AKIP1: variants seen among roughly 807,000 people sequenced by gnomAD.
AKIP1 encodes A-kinase-interacting protein 1.
In AKIP1, 18 loss-of-function variants were observed where a neutral mutation model predicts 22.3. That is an observed-to-expected ratio of 0.81 (90% CI 0.56 to 1.19). The LOEUF is 1.19. Ranked by LOEUF, AKIP1 falls within the 50% of genes most tolerant of loss-of-function variation. The pLI is 0.00. For synonymous variants in AKIP1, 120 were observed against 102.7 expected (o/e 1.17, Z -1.02); for missense variants, 287 against 264.6 (o/e 1.08, Z -0.59).
intron 5 of AKIP1, among the ~76,000 whole-genome samples, chr11:8,918,700 G>T (rs1439791885): frequency 6.6e-6 from 1 of 152,226 alleles, no homozygotes; most frequent in Non-Finnish European, 1.5e-5. Flanking sequence ...ACCCTTGGAA[G>T]ACTGATTGTG....
chr11:8,919,485 GACCATCACTGCCATC>G lies in AKIP1; in HGVS notation c.*8_*22del. On this transcript the variant is annotated 3_prime_UTR_variant, in exon 6 of 6. Transcript: ENST00000309377. ...GACCTGGTCTTCCCTGTGTGATGTTGACCATCACTGCCATCACATCACCTTTTTTTAAGTAGTAAG... is the reference window on the plus strand; with the variant it reads ...GACCTGGTCTTCCCTGTGTGATGTTGACATCACCTTTTTTTAAGTAGTAAG... 2 of 1,612,158 alleles carry G rather than the reference GACCATCACTGCCATC, an allele frequency of 1.2e-6. No individual in the cohort carries two copies. The highest frequency in any genetic ancestry group is 1.7e-6 in the Non-Finnish European group (2 of 1,179,464).
chr11:8,911,562 A>G lies in AKIP1; in HGVS notation c.113A>G (p.Asp38Gly). 3 of 1,611,458 alleles carry G rather than the reference A, an allele frequency of 1.9e-6. No homozygotes were observed. Among genetic ancestry groups the G allele is most frequent in the Non-Finnish European group, 2.5e-6 (3 of 1,179,160 alleles). ...GAGAGGGCCAAGAGGAGGGCGGTGGACTGGCATGCCCTGGAGCGTCCCAAA... is the reference window on the plus strand; with the variant it reads ...GAGAGGGCCAAGAGGAGGGCGGTGGGCTGGCATGCCCTGGAGCGTCCCAAA... Reference protein sequence around the residue: ...VLERAKRRAVDWHALERPKGC... With the variant: ...VLERAKRRAVGWHALERPKGC... Residue 38 changes from aspartate (D) to glycine (G), a missense_variant, in exon 2 of 6, where the codon GAC becomes GGC. By Grantham distance (94) the Asp-to-Gly change is moderately conservative (BLOSUM62 -1). Coordinates refer to ENST00000309377, the MANE Select transcript of AKIP1 (RefSeq NM_020642.4).
At chr11:8,915,334 A>G (rs1025424378) in intron 4 of AKIP1, among the ~76,000 whole-genome samples, 7 of 146,116 alleles carry the variant, frequency 4.8e-5, no homozygotes, top group African/African-American at 1.8e-4. Context: ...CCTCTTCTAC[A>G]TCTAGGGATA....
rs1566106846 is a variant in AKIP1 at position 8,917,325 on chromosome 11, C to T, written c.447C>T (p.Gly149=). The part of the protein sequence containing the change: ...DRKKTSLGPG[G]SYQISEHAPE... ...AAAAGACATCCCTTGGTCCTGGAGG[C>T]AGCTATCAAATATCAGAGCATGCTC... The change falls in exon 5 of 6, where the codon GGC becomes GGT. Residue 149 remains glycine, a synonymous_variant. Coordinates refer to ENST00000309377, the MANE Select transcript of AKIP1 (RefSeq NM_020642.4). 5 of 1,613,272 alleles carry T rather than the reference C, an allele frequency of 3.1e-6. No individual in the cohort carries two copies. The highest frequency in any genetic ancestry group is 4.2e-6 in the Non-Finnish European group (5 of 1,179,598).
chr11:8,912,973 C>T (rs1198287002), intron 3 of AKIP1, among the ~76,000 whole-genome samples: 1 of 135,712 alleles, frequency 7.4e-6, no homozygotes, highest in African/African-American at 2.7e-5. Context: ...CTCCTGGGTT[C>T]ACACCATTCT....
Position 8,914,818 on chromosome 11 carries a change from G to A in AKIP1, c.304-8G>A, listed in dbSNP as rs376791560. On this transcript the variant is annotated splice_polypyrimidine_tract_variant and splice_region_variant and intron_variant, in intron 3 of 5. Transcript: ENST00000309377. ...GGTTAGCTAACATCTTTGACATTAC[G>A]TCTCTAGAAATATTATTCATCTGTG... 44 of 1,597,338 alleles carry A rather than the reference G, an allele frequency of 2.8e-5. No individual in the cohort carries two copies. The highest frequency in any genetic ancestry group is 3.4e-5 in the Non-Finnish European group (40 of 1,166,614).
chr11:8,916,072 G>A (rs1308738660), intron 4 of AKIP1, among the ~76,000 whole-genome samples: 5 of 151,720 alleles, frequency 3.3e-5, no homozygotes, highest in African/African-American at 4.8e-5. Context: ...CGCCTGCCTC[G>A]GCCTCCCAAA....
chr11:8,917,644 C>G (rs1161203591), intron 5 of AKIP1: 1 of 486,802 alleles, frequency 2.1e-6, no homozygotes, highest in Non-Finnish European at 3.7e-6. Flanking sequence ...GTTCCTACAG[C>G]TCAGCTGGGC....
chr11:8,911,232 G>T lies in AKIP1; in HGVS notation c.-7+9G>T. On this transcript the variant is annotated intron_variant, in intron 1 of 5. Transcript: ENST00000309377. ...CTTGACGAGTGAGCCGGGTGAGGGG[G>T]CTCCCTAAGTAGCGGAAGGGGTAGA... 2.8e-5 allele frequency: 16 copies of T among 563,368 alleles called. No homozygotes were observed. The highest frequency in any genetic ancestry group is 1.0e-4 in the Admixed American group (3 of 30,020). 34.9% of individuals were successfully genotyped at this position (563,368 alleles called of 1,614,324 possible).
chr11:8,915,365 T>C (rs1214127537), intron 4 of AKIP1, among the ~76,000 whole-genome samples: 7 of 134,208 alleles, frequency 5.2e-5, no homozygotes, highest in African/African-American at 1.1e-4. Flanking sequence ...TTTCTTTTTT[T>C]TTTTTTTTTT....
intron 5 of AKIP1, 88 bp from the exon 6 acceptor site, chr11:8,919,249 C>A: frequency 1.5e-6 from 2 of 1,319,530 alleles, no homozygotes; most frequent in Non-Finnish European, 2.1e-6. Context: ...TCCATCACAC[C>A]TCTGCAAGGA....
At chr11:8,915,970 G>A (rs2064479520) in intron 4 of AKIP1, among the ~76,000 whole-genome samples, 1 of 151,910 alleles carries the variant, frequency 6.6e-6, no homozygotes, top group African/African-American at 2.4e-5. Context: ...TACAGGCGTT[G>A]CCACCACGCC....
At chr11:8,916,381 C>T (rs574575236) in intron 4 of AKIP1, among the ~76,000 whole-genome samples, 2 of 152,276 alleles carry the variant, frequency 1.3e-5, no homozygotes, top group East Asian at 1.9e-4. Context: ...TTACCTTTTA[C>T]CACATGTCAT....
At chr11:8,918,453 T>A (rs1401112811) in intron 5 of AKIP1, among the ~76,000 whole-genome samples, 2 of 152,232 alleles carry the variant, frequency 1.3e-5, no homozygotes, top group Non-Finnish European at 2.9e-5. Flanking sequence ...TTTATTCCTC[T>A]GAGTGCAATT....
At chr11:8,915,270 T>C (rs1161836702) in intron 4 of AKIP1, among the ~76,000 whole-genome samples, 1 of 151,768 alleles carries the variant, frequency 6.6e-6, no homozygotes, top group Non-Finnish European at 1.5e-5. Flanking sequence ...CTGCATTCTA[T>C]CCTGGGCAAC....
At chr11:8,911,793 T>A (rs1362989928) in intron 2 of AKIP1, 122 bp downstream of exon 2, 2 of 1,000,466 alleles carry the variant, frequency 2.0e-6, no homozygotes, top group African/African-American at 3.3e-5. Context: ...CTGGAAAGGA[T>A]CAGAACAATG....
Position 8,919,538 on chromosome 11 carries a change from G to T in AKIP1, c.*58G>T, listed in dbSNP as rs2064545452. 1.9e-6 allele frequency: 3 copies of T among 1,571,638 alleles called. No individual in the cohort carries two copies. The highest frequency in any genetic ancestry group is 3.4e-4 in the Middle Eastern group (2 of 5,816). Reference sequence around the variant, plus strand: ...TTTAAGTAGTAAGAATAAAGCCACTGTATGATTCTCTTAATAGCTATACAT... The same window carrying T: ...TTTAAGTAGTAAGAATAAAGCCACTTTATGATTCTCTTAATAGCTATACAT... On this transcript the variant is annotated 3_prime_UTR_variant, in exon 6 of 6. Transcript: ENST00000309377.
In AKIP1 at chr11:8,911,424, T is replaced by G. The variant is rs1209525230; in HGVS notation, c.-6-20T>G. On this transcript the variant is annotated intron_variant, in intron 1 of 5. Transcript: ENST00000309377. ...GGCCCAGCTGACCCGCCGGCGTTTGTACGTTGTGTGCCCACTCAGGGAGCC... is the reference window on the plus strand; with the variant it reads ...GGCCCAGCTGACCCGCCGGCGTTTGGACGTTGTGTGCCCACTCAGGGAGCC... The G allele has an allele frequency of 3.2e-6, 5 of 1,558,028 alleles. No individual in the cohort carries two copies. The Admixed American group carries it at 7.8e-5, about 24-fold the overall frequency.
rs1481744543 is a variant in AKIP1 at position 8,914,855 on chromosome 11, A to T, written c.333A>T (p.Gly111=). The change falls in exon 4 of 6, where the codon GGA becomes GGT. Residue 111 remains glycine (G), a synonymous_variant. Transcript: ENST00000309377. ...GKYYSSVPEE[G]GATHVYRYHR... is the part of the protein sequence containing the mutation. ...ATTATTCATCTGTGCCAGAGGAAGG[A>T]GGGGCAACCCATGTCTATCGTTATC... The T allele has an allele frequency of 1.2e-6, 2 of 1,613,888 alleles. No homozygotes were observed. The highest frequency in any genetic ancestry group is 2.2e-5 in the South Asian group (2 of 91,064).
Sources: gnomAD v4.1 joint callset for allele counts (sites outside exome capture counted in the v4.1 genomes callset) on GRCh38, gnomAD v4.1.1 for gene constraint, MANE v1.5 for transcripts, NCBI Gene and HGNC (gene_info 2026-07-23, HGNC 2026-07-21) for gene names.